Variants in ALDH1L2 observed in about 807,000 individuals in gnomAD.
The protein encoded by ALDH1L2 is mitochondrial 10-formyltetrahydrofolate dehydrogenase.
Under a neutral mutation model 111.0 loss-of-function variants are expected in ALDH1L2, and 91 were observed. The observed-to-expected ratio is 0.82, with a 90% CI of 0.69 to 0.98. The LOEUF is 0.98. Among genes scored for constraint, ALDH1L2 ranks in the 50% least tolerant of loss-of-function variants. ALDH1L2 has a pLI of 0.00. For synonymous variants in ALDH1L2, 374 were observed against 392.6 expected, an observed-to-expected ratio of 0.95 and a Z score of 0.56; for missense variants, 995 against 1,126.8, an observed-to-expected ratio of 0.88 and a Z score of 1.67.
At chr12:105,051,286 A>G (rs542842021) in intron 12 of ALDH1L2, among the ~76,000 whole-genome samples, 7 of 152,132 alleles carry the variant, frequency 4.6e-5, no homozygotes, top group African/African-American at 7.2e-5. Flanking sequence ...TTGGCCAGTG[A>G]GAGACCACTG....
chr12:105,036,565 T>TAA (rs1565952375), intron 18 of ALDH1L2, among the ~76,000 whole-genome samples: 8 of 46,096 alleles, frequency 1.7e-4, no homozygotes, highest in Admixed American at 5.6e-4. Context: ...TATATATATA[T>TAA]AAAATGGATG....
intron 2 of ALDH1L2, 81 bp from the exon 3 acceptor site, chr12:105,070,885 CA>C (rs1877648827): frequency 8.6e-7 from 1 of 1,157,674 alleles, no homozygotes; most frequent in Non-Finnish European, 1.2e-6. Flanking sequence ...TGTAATTTTA[CA>C]GTTTCATGAA....
Position 105,074,022 on chromosome 12 carries a change from T to C in ALDH1L2, c.49-17A>G. On this transcript the variant is annotated splice_polypyrimidine_tract_variant and intron_variant, in intron 1 of 22. Coordinates refer to ENST00000258494, the MANE Select transcript of ALDH1L2 (RefSeq NM_001034173.4). ...GAAATAAACCTGTGAAACAATTCAATGACGAAGACATAAGCATGGATAGAA... is the reference window on the plus strand; with the variant it reads ...GAAATAAACCTGTGAAACAATTCAACGACGAAGACATAAGCATGGATAGAA... 1.2e-6 allele frequency: 2 copies of C among 1,613,952 alleles called. No individual in the cohort carries two copies. Among genetic ancestry groups the C allele is most frequent in the African/African-American group, 2.7e-5 (2 of 74,996 alleles).
rs779551012 is a variant in ALDH1L2, at chr12:105,026,604, T to C, written c.2657A>G (p.Lys886Arg). 2 of 1,614,086 alleles carry C rather than the reference T, an allele frequency of 1.2e-6. No homozygotes were observed. Among genetic ancestry groups the C allele is most frequent in the South Asian group, 2.2e-5 (2 of 91,086 alleles). The change falls in exon 22 of 23, where the codon AAG becomes AGG. Residue 886 changes from lysine to arginine, a missense_variant. Lys to Arg is a conservative substitution (Grantham distance 26). Transcript: ENST00000258494. ...GCCAAATGGGGCCGCCACATCTGTCTTGTTGTATGTGTTAATAAAAACAGT... is the reference window on the plus strand; with the variant it reads ...GCCAAATGGGGCCGCCACATCTGTCCTGTTGTATGTGTTAATAAAAACAGT... The part of the protein sequence containing the change: ...AGTVFINTYN[K>R]TDVAAPFGGV...
chr12:105,056,411 T>A (rs145552064), intron 10 of ALDH1L2, among the ~76,000 whole-genome samples: 1 of 151,962 alleles, frequency 6.6e-6, no homozygotes, highest in Non-Finnish European at 1.5e-5. Context: ...CTGAGAAGAA[T>A]CCTTCAAGTT....
rs1874301806 is a variant in ALDH1L2, at chr12:105,024,275, C to T, written c.*149G>A. 6.5e-6 allele frequency: 5 copies of T among 774,490 alleles called. No homozygotes were observed. Among genetic ancestry groups the T allele is most frequent in the Non-Finnish European group, 1.1e-5 (5 of 466,800 alleles). The allele number at this position is 774,490 out of a possible 1,614,324, so 48.0% of individuals were successfully genotyped here. On this transcript the variant is annotated 3_prime_UTR_variant, in exon 23 of 23. Transcript: ENST00000258494. The stretch of plus-strand genomic sequence containing the variant: ...AAATACTCAGGCACATGTGTAAATG[C>T]TTTAACATGGCCTGGCCCTCTTCAT...
At chr12:105,043,647 T>A (rs1358499477) in intron 15 of ALDH1L2, among the ~76,000 whole-genome samples, 4 of 152,226 alleles carry the variant, frequency 2.6e-5, no homozygotes, top group Non-Finnish European at 5.9e-5. Context: ...TCTTTTAAAG[T>A]AAGAATATAA....
chr12:105,034,765 C>T (rs558081402), intron 18 of ALDH1L2, among the ~76,000 whole-genome samples: 1 of 152,272 alleles, frequency 6.6e-6, no homozygotes, highest in African/African-American at 2.4e-5. Flanking sequence ...GCGGGCAGAT[C>T]ACAAGGTCAG....
In ALDH1L2 at chr12:105,031,799, C is replaced by T. The variant is rs1356986739; in HGVS notation, c.2380G>A (p.Val794Met). The change falls in exon 20 of 23, where the codon GTG (valine) becomes ATG (methionine). Residue 794 changes from valine to methionine, a missense_variant. Physicochemically the swap from Val to Met is conservative, Grantham distance 21. Coordinates refer to ENST00000258494, the MANE Select transcript of ALDH1L2 (RefSeq NM_001034173.4). ...ETGVKEGATL[V>M]YGGRQVQRPG... ...CTTTGGACTTGTCTTCCCCCGTACA[C>T]CAAAGTGGCCCCTTCTTTCACTCCA... 6.2e-7 allele frequency: 1 copy of T among 1,614,090 alleles called. No homozygotes were observed. The highest frequency in any genetic ancestry group is 1.3e-5 in the African/African-American group (1 of 74,940).
chr12:105,070,009 G>T (rs1352611733), intron 3 of ALDH1L2, among the ~76,000 whole-genome samples: 1 of 152,118 alleles, frequency 6.6e-6, no homozygotes, highest in Non-Finnish European at 1.5e-5. Flanking sequence ...AAATGTACTT[G>T]AGATGCTCTA....
At chr12:105,061,110 G>GTAGAACAAT (rs750138117) in intron 8 of ALDH1L2, 38 bp from the exon 9 acceptor site, 1 of 1,537,792 alleles carries the variant, frequency 6.5e-7, no homozygotes, top group East Asian at 2.3e-5. Flanking sequence ...GAAGTGCCAC[G>GTAGAACAAT]TAGAACAATG....
intron 11 of ALDH1L2, among the ~76,000 whole-genome samples, chr12:105,052,484 T>A (rs1289725500): frequency 6.6e-6 from 1 of 152,228 alleles, no homozygotes; most frequent in East Asian, 1.9e-4. Context: ...TCCAGTGCTT[T>A]AGGAAAGCTG....
intron 6 of ALDH1L2, among the ~76,000 whole-genome samples, chr12:105,063,601 G>A (rs531629020): frequency 4.1e-5 from 6 of 146,726 alleles, no homozygotes; most frequent in African/African-American, 7.5e-5. Flanking sequence ...TCACATATTT[G>A]CATTGATACA....
At chr12:105,056,995 T>C (rs4356312) in intron 10 of ALDH1L2, among the ~76,000 whole-genome samples, 132,213 of 150,916 alleles carry the variant, frequency 0.88, 58,235 homozygotes, top group East Asian at 1. Flanking sequence ...TGAGAGAAAA[T>C]ATTTGCAAAT....
chr12:105,047,921 A>T (rs1217044117), intron 13 of ALDH1L2: 4 of 152,214 alleles, frequency 2.6e-5, no homozygotes, highest in Non-Finnish European at 5.9e-5. Context: ...AAACATTTGA[A>T]TATTCACTCT....
At chr12:105,032,450 G>T (rs1394759124) in intron 19 of ALDH1L2, among the ~76,000 whole-genome samples, 1 of 151,964 alleles carries the variant, frequency 6.6e-6, no homozygotes, top group Non-Finnish European at 1.5e-5. Flanking sequence ...TGTTGGTCAG[G>T]TTGGTCTCGA....
In ALDH1L2 at chr12:105,062,932, C is replaced by G; in HGVS notation, c.877G>C (p.Val293Leu). 6.2e-7 allele frequency: 1 copy of G among 1,613,884 alleles called. No individual in the cohort carries two copies. Among genetic ancestry groups the G allele is most frequent in the East Asian group, 2.2e-5 (1 of 44,866 alleles). Residue 293 changes from valine (V) to leucine (L), a missense_variant, in exon 7 of 23, where the codon GTT (valine) becomes CTT (leucine). Physicochemically the swap from Val to Leu is conservative, Grantham distance 32. Coordinates refer to ENST00000258494, the MANE Select transcript of ALDH1L2 (RefSeq NM_001034173.4). ...AAAAGAACAAGTCCATTTTTGGTAA[C>G]GAGACCAGGCTTCTTGGCACCTTTA... ...EIKGAKKPGL[V>L]TKNGLVLFGN...
At chr12:105,063,398 C>T (rs1001882809) in intron 6 of ALDH1L2, among the ~76,000 whole-genome samples, 1 of 151,886 alleles carries the variant, frequency 6.6e-6, no homozygotes, top group Non-Finnish European at 1.5e-5. Context: ...ATGGCGTGAA[C>T]CCGGGAGGCG....
chr12:105,024,535 T>G, intron 22 of ALDH1L2, 56 bp from the exon 23 acceptor site: 1 of 1,522,334 alleles, frequency 6.6e-7, no homozygotes, highest in Admixed American at 1.7e-5. Context: ...ATGTGATGTC[T>G]TCAGACCTTC....
Sources: allele counts gnomAD v4.1 joint callset (sites outside exome capture counted in the v4.1 genomes callset), GRCh38; gene constraint gnomAD v4.1.1; transcripts MANE v1.5; gene names NCBI Gene and HGNC (gene_info 2026-07-23, HGNC 2026-07-21).